Variants in TPCN2 observed in about 807,000 individuals in gnomAD.
TPCN2 encodes the protein two pore segment channel 2, also known as two pore channel protein 2.
TPCN2 carries 92 observed loss-of-function variants against 111.4 expected under a neutral mutation model. The ratio of observed to expected loss-of-function variants is 0.83; its 90% CI spans 0.70 to 0.98. The LOEUF (loss-of-function observed/expected upper bound fraction) is 0.98. Among genes scored for constraint, TPCN2 ranks in the 50% least tolerant of loss-of-function variants. TPCN2 has a pLI of 0.00. For missense variants in TPCN2, 995 were observed against 980.1 expected (o/e 1.02, Z -0.20); for synonymous variants, 405 against 414.5 (o/e 0.98, Z 0.28).
chr11:69,079,467 C>G, intron 16 of TPCN2: 1 of 292,366 alleles, frequency 3.4e-6, no homozygotes, highest in Non-Finnish European at 6.4e-6. Context: ...GCATGCCACA[C>G]TTGGTGTGTG....
Position 69,087,201 on chromosome 11 carries a change from G to C in TPCN2, c.2175G>C (p.Leu725=). 1.2e-6 allele frequency: 2 copies of C among 1,613,674 alleles called. No individual in the cohort carries two copies. Among genetic ancestry groups the C allele is most frequent in the Non-Finnish European group, 1.7e-6 (2 of 1,179,716 alleles). The change falls in exon 24 of 25, where the codon CTG becomes CTC. Residue 725 remains leucine, a synonymous_variant. Transcript: ENST00000294309. ...CCTACCAGATGACTGTGGAGCTCCT[G>C]TTCAGGTGTGTGGGTGGGGAAGGCG... ...EATYQMTVEL[L]FRDILEEPGE...
intron 8 of TPCN2, among the ~76,000 whole-genome samples, 176 bp downstream of exon 8, chr11:69,067,781 T>G (rs1264268375): frequency 1.3e-5 from 2 of 152,208 alleles, no homozygotes; most frequent in Non-Finnish European, 2.9e-5. Context: ...CTTCTTTTTT[T>G]GTCTTGGTTT....
At chr11:69,077,452 T>C (rs1389379201) in intron 13 of TPCN2, among the ~76,000 whole-genome samples, 2 of 152,196 alleles carry the variant, frequency 1.3e-5, no homozygotes, top group Admixed American at 6.5e-5. Context: ...GATGAGACGC[T>C]GAAAGGGACC....
chr11:69,060,713 G>A (rs1854983550), intron 5 of TPCN2, among the ~76,000 whole-genome samples: 1 of 152,190 alleles, frequency 6.6e-6, no homozygotes. Flanking sequence ...GCTGTGGTCT[G>A]TGTCTGACTA....
intron 6 of TPCN2, among the ~76,000 whole-genome samples, chr11:69,063,269 C>T (rs1179539750): frequency 6.6e-6 from 1 of 151,958 alleles, no homozygotes; most frequent in Non-Finnish European, 1.5e-5. Flanking sequence ...GGCACTCTCT[C>T]CGATGGGTCT....
intron 13 of TPCN2, among the ~76,000 whole-genome samples, chr11:69,073,800 C>T (rs1354553088): frequency 3.3e-5 from 5 of 151,628 alleles, no homozygotes; most frequent in African/African-American, 9.7e-5. Flanking sequence ...CAGCCTCTCC[C>T]TGTGTCCTCA....
intron 13 of TPCN2, among the ~76,000 whole-genome samples, chr11:69,077,474 G>T (rs117858782): frequency 0.011 from 1,733 of 152,320 alleles, 14 homozygotes; most frequent in Non-Finnish European, 0.018. Context: ...TGCCCGTTGT[G>T]GCAGAGTGCG....
In TPCN2 at chr11:69,078,748, G is replaced by A. The variant is rs1403794662; in HGVS notation, c.1365G>A (p.Leu455=). The change falls in exon 15 of 25, where the codon CTG becomes CTA. Residue 455 remains leucine, a synonymous_variant. Coordinates refer to ENST00000294309, the MANE Select transcript of TPCN2 (RefSeq NM_139075.4). Reference sequence around the variant, plus strand: ...TGGCGTTGCAGGTGTTCCTGGTGCTGGATGCAGATGTGCTGCCTGCTGAGC... The same window carrying A: ...TGGCGTTGCAGGTGTTCCTGGTGCTAGATGCAGATGTGCTGCCTGCTGAGC... ...NLVSICVFLV[L]DADVLPAERD... is the part of the protein sequence containing the mutation. The A allele has an allele frequency of 6.2e-7, 1 of 1,614,026 alleles. No individual in the cohort carries two copies. Among genetic ancestry groups the A allele is most frequent in the Non-Finnish European group, 8.5e-7 (1 of 1,180,036 alleles).
intron 19 of TPCN2, chr11:69,084,869 G>A: frequency 3.3e-6 from 3 of 919,080 alleles, no homozygotes; most frequent in Non-Finnish European, 3.9e-6. Flanking sequence ...GCCCAGGCGT[G>A]TACCCCTTCC....
chr11:69,068,255 G>A (rs1449618322), intron 8 of TPCN2, among the ~76,000 whole-genome samples: 1 of 152,040 alleles, frequency 6.6e-6, no homozygotes, highest in Non-Finnish European at 1.5e-5. Flanking sequence ...GTCCTAGGAA[G>A]TGACCGCAGT....
intron 2 of TPCN2, 114 bp from the exon 3 acceptor site, chr11:69,054,606 TC>T: frequency 1.0e-6 from 1 of 971,470 alleles, no homozygotes; most frequent in Non-Finnish European, 1.6e-6. Flanking sequence ...CGCTGAAGCG[TC>T]CCCTGTGATC....
At position 69,085,914 on chromosome 11, in the gene TPCN2, C is replaced by A. The variant is rs886737320; in HGVS notation, c.1987C>A (p.Arg663=). Residue 663 remains arginine, a synonymous_variant, in exon 22 of 25, where the codon CGG becomes AGG. Coordinates refer to ENST00000294309, the MANE Select transcript of TPCN2 (RefSeq NM_139075.4). ...NNWQVFLDAY[R]RYSGPWSKIY... ...CTGGCAGGTGTTTCTGGATGCATAT[C>A]GGCGCTACTCAGGCCCGTGAGTCCT... The A allele has an allele frequency of 1.2e-6, 2 of 1,614,090 alleles. No individual in the cohort carries two copies. Among genetic ancestry groups the A allele is most frequent in the South Asian group, 2.2e-5 (2 of 91,068 alleles).
Position 69,090,425 on chromosome 11 carries a change from C to T in TPCN2, c.*2472C>T, listed in dbSNP as rs1026670678. 1.3e-5 allele frequency: 2 copies of T among 152,186 alleles called. No homozygotes were observed. Among genetic ancestry groups the T allele is most frequent in the Admixed American group, 1.3e-4 (2 of 15,276 alleles). The allele number at this position is 152,186 out of a possible 1,614,324, so 9.4% of individuals were successfully genotyped here. A position where few individuals can be genotyped will look rare whatever the true frequency, so the allele number is the denominator to read the frequency against. The stretch of plus-strand genomic sequence containing the variant: ...CTCATCCGACTGGGGCTTTGACTCC[C>T]ACACTGTGTACCCCTCTTGTGTGGA... On this transcript the variant is annotated 3_prime_UTR_variant, in exon 25 of 25. Transcript: ENST00000294309.
At chr11:69,072,268 G>A (rs1033272927) in intron 11 of TPCN2, among the ~76,000 whole-genome samples, 1 of 152,226 alleles carries the variant, frequency 6.6e-6, no homozygotes, top group Non-Finnish European at 1.5e-5. Context: ...GAGTGGCCCG[G>A]CCTTCTTGTC....
At chr11:69,074,395 CCT>C (rs1486586237) in intron 13 of TPCN2, among the ~76,000 whole-genome samples, 1 of 152,256 alleles carries the variant, frequency 6.6e-6, no homozygotes, top group African/African-American at 2.4e-5. Context: ...CGCCATCAAA[CCT>C]CTGTTTGGGA....
intron 13 of TPCN2, among the ~76,000 whole-genome samples, chr11:69,074,454 G>A (rs903720012): frequency 3.3e-5 from 5 of 152,136 alleles, no homozygotes; most frequent in African/African-American, 1.2e-4. Flanking sequence ...TTGAAGATAC[G>A]AAATAAATTT....
intron 8 of TPCN2, among the ~76,000 whole-genome samples, chr11:69,068,364 C>T (rs562140156): frequency 0.012 from 1,158 of 98,218 alleles, 11 homozygotes; most frequent in African/African-American, 0.047. Context: ...CCGTCTGAGT[C>T]CTAGGAAGTG....
At chr11:69,069,149 G>C (rs1346702526) in intron 8 of TPCN2, among the ~76,000 whole-genome samples, 11 of 140,442 alleles carry the variant, frequency 7.8e-5, no homozygotes, top group Non-Finnish European at 1.2e-4. Flanking sequence ...TGAGTCCTAG[G>C]AAGTGACCGC....
rs1266941407 is a variant in TPCN2 at position 69,072,909 on chromosome 11, G to A, written c.1144-6G>A. The A allele has an allele frequency of 1.2e-6, 2 of 1,608,040 alleles. No individual in the cohort carries two copies. The stretch of plus-strand genomic sequence containing the variant: ...CCCCTGCTGACCTGTGCTCCTTCCT[G>A]TGCAGAAGGTGCGTTCCTATGGCAG... On this transcript the variant is annotated splice_polypyrimidine_tract_variant and splice_region_variant and intron_variant, in intron 12 of 24. Transcript: ENST00000294309.
Sources: allele counts gnomAD v4.1 joint callset (sites outside exome capture counted in the v4.1 genomes callset), GRCh38; gene constraint gnomAD v4.1.1; transcripts MANE v1.5; gene names NCBI Gene and HGNC (gene_info 2026-07-23, HGNC 2026-07-21).